The following SLC14A2 variants were observed in gnomAD, a reference collection of about 807,000 sequenced individuals.
SLC14A2 encodes urea transporter 2.
SLC14A2 carries 91 observed loss-of-function variants against 104.6 expected under a neutral mutation model. The ratio of observed to expected loss-of-function variants is 0.87; its 90% confidence interval spans 0.73 to 1.04. The LOEUF (loss-of-function observed/expected upper bound fraction) is 1.04. SLC14A2 is among the 50% of genes least tolerant of loss of function. The pLI is 0.00. For synonymous variants in SLC14A2, 476 were observed against 466.4 expected, an observed-to-expected ratio of 1.02 and a Z score of -0.27; for missense variants, 1,189 against 1,156.0, an observed-to-expected ratio of 1.03 and a Z score of -0.41.
chr18:45,521,942 C>T (rs772589757), intron 2 of SLC14A2, among the ~76,000 whole-genome samples: 13 of 152,112 alleles, frequency 8.5e-5, no homozygotes, highest in Admixed American at 2.0e-4. Context: ...CCTTAGACAT[C>T]GTTACTCTTT....
At chr18:45,518,720 G>A (rs893481682) in intron 2 of SLC14A2, among the ~76,000 whole-genome samples, 7 of 152,116 alleles carry the variant, frequency 4.6e-5, no homozygotes, top group African/African-American at 1.4e-4. Context: ...AGAAAAAGAC[G>A]GATAATCTAG....
chr18:45,452,382 T>C lies in SLC14A2; in HGVS notation c.-124-30851T>C, dbSNP rs914653121. On this transcript the variant is annotated intron_variant, in intron 1 of 20. Transcript: ENST00000586448. ...AGAGTGCACATCCCTTTGGTTTCAG[T>C]ACTTATTACCACTTGACTTTACATA... Among the ~76,000 whole-genome samples, 82 of 152,250 alleles carry C rather than the reference T, an allele frequency of 5.4e-4. 1 individual carries two copies. The highest frequency in any genetic ancestry group is 1.3e-4 in the Non-Finnish European group (9 of 68,046).
At chr18:45,303,845 C>T (rs2084991143) in intron 1 of SLC14A2, among the ~76,000 whole-genome samples, 3 of 152,168 alleles carry the variant, frequency 2.0e-5, no homozygotes, top group Admixed American at 1.3e-4. Context: ...GTCCATGGAA[C>T]ACTAATATTA....
At chr18:45,429,047 G>A (rs895269712) in intron 1 of SLC14A2, among the ~76,000 whole-genome samples, 2 of 152,108 alleles carry the variant, frequency 1.3e-5, no homozygotes, top group Admixed American at 6.6e-5. Flanking sequence ...AGGGGCCAAC[G>A]GCAGAATTTA....
intron 10 of SLC14A2, chr18:45,646,915 A>G (rs986769220): frequency 6.6e-6 from 1 of 152,258 alleles, no homozygotes; most frequent in Non-Finnish European, 1.5e-5. Context: ...ACTACAAGCA[A>G]CAGCTCTTGG....
intron 1 of SLC14A2, among the ~76,000 whole-genome samples, chr18:45,285,186 T>G (rs1056511889): frequency 6.6e-6 from 1 of 152,198 alleles, no homozygotes; most frequent in Admixed American, 6.5e-5. Flanking sequence ...AGACAGACTA[T>G]AGAGGATCTA....
Position 45,575,105 on chromosome 18 carries a change from G to T in SLC14A2, c.-34-49526G>T, listed in dbSNP as rs187021115. On this transcript the variant is annotated intron_variant, in intron 2 of 20. Coordinates refer to the SLC14A2 transcript ENST00000586448. ...TGAAAAAGAGGGCAGTGAACTCCACGTGAGCACTATTTCTGGGCCCTGTGG... is the reference window on the plus strand; with the variant it reads ...TGAAAAAGAGGGCAGTGAACTCCACTTGAGCACTATTTCTGGGCCCTGTGG... Among the ~76,000 whole-genome samples, 9 of 152,312 alleles carry T rather than the reference G, an allele frequency of 5.9e-5. No individual in the cohort carries two copies. The East Asian group carries it at 1.7e-3, about 29-fold the overall frequency.
intron 1 of SLC14A2, among the ~76,000 whole-genome samples, chr18:45,371,346 G>A (rs1452901487): frequency 6.6e-6 from 1 of 152,048 alleles, no homozygotes; most frequent in African/African-American, 2.4e-5. Flanking sequence ...AATAGGCCCT[G>A]TCCTGTAACT....
chr18:45,542,594 A>T (rs537742624), intron 2 of SLC14A2, among the ~76,000 whole-genome samples: 151 of 152,332 alleles, frequency 9.9e-4, no homozygotes, highest in Admixed American at 2.2e-3. Flanking sequence ...TTAAATAAAA[A>T]TTGAATTTCA....
intron 16 of SLC14A2, among the ~76,000 whole-genome samples, chr18:45,670,876 T>A (rs2046121909): frequency 6.6e-6 from 1 of 152,202 alleles, no homozygotes; most frequent in Admixed American, 6.5e-5. Flanking sequence ...TTGCCCAGGC[T>A]GGTCTCAAAC....
chr18:45,195,431 G>A, the SLC14A2 span, among the ~76,000 whole-genome samples: 1 of 152,190 alleles, frequency 6.6e-6, no homozygotes, highest in East Asian at 1.9e-4. Context: ...TTGCTCTGTT[G>A]CCCAGGCTGG....
chr18:45,309,937 C>A (rs1427762292), intron 1 of SLC14A2, among the ~76,000 whole-genome samples: 3 of 151,846 alleles, frequency 2.0e-5, no homozygotes, highest in Non-Finnish European at 4.4e-5. Flanking sequence ...GCAACAATAT[C>A]GGTCTGCATT....
At chr18:45,194,643 A>T in the SLC14A2 span, among the ~76,000 whole-genome samples, 20 of 108,812 alleles carry the variant, frequency 1.8e-4, no homozygotes, top group Admixed American at 2.2e-4. Context: ...TTGGTCTGTA[A>T]TTTTTTTTTT....
chr18:45,235,823 A>ATATATATACGTGTATATATATATG (rs2084221016), intron 1 of SLC14A2, among the ~76,000 whole-genome samples: 1 of 129,700 alleles, frequency 7.7e-6, no homozygotes, highest in Non-Finnish European at 1.6e-5. Flanking sequence ...GTATATATAT[A>ATATATATACGTGTATATATATATG]TATATATACG....
chr18:45,345,883 A>G (rs1366494973), intron 1 of SLC14A2, among the ~76,000 whole-genome samples: 3 of 152,204 alleles, frequency 2.0e-5, no homozygotes, highest in Non-Finnish European at 4.4e-5. Context: ...TTACTAGGTA[A>G]TGCCAGCTGC....
chr18:45,379,827 G>T (rs1419188966), intron 1 of SLC14A2, among the ~76,000 whole-genome samples: 2 of 152,178 alleles, frequency 1.3e-5, no homozygotes, highest in African/African-American at 4.8e-5. Context: ...AGAATGTCAT[G>T]CATGTACTTC....
intron 1 of SLC14A2, among the ~76,000 whole-genome samples, chr18:45,275,756 T>A (rs1449189814): frequency 6.6e-6 from 1 of 152,216 alleles, no homozygotes; most frequent in Non-Finnish European, 1.5e-5. Context: ...TTTCATCTCT[T>A]TTTTTACTAA....
At chr18:45,315,887 C>T (rs2085124565) in intron 1 of SLC14A2, among the ~76,000 whole-genome samples, 1 of 152,208 alleles carries the variant, frequency 6.6e-6, no homozygotes, top group Non-Finnish European at 1.5e-5. Context: ...AAGCCATATT[C>T]CATTGCTCCT....
rs759994258 is a variant in SLC14A2 at position 45,669,487 on chromosome 18, C to G, written c.2218C>G (p.Gln740Glu). 6.2e-7 allele frequency: 1 copy of G among 1,613,316 alleles called. No individual in the cohort carries two copies. The highest frequency in any genetic ancestry group is 1.1e-5 in the South Asian group (1 of 90,978). Residue 740 changes from glutamine to glutamate, a missense_variant, in exon 16 of 20, where the codon CAA (glutamine) becomes GAA (glutamate). Transcript: ENST00000255226. ...AMPNITWSEVQVPLLLRAIPV... is the reference protein window; with the variant it reads ...AMPNITWSEVEVPLLLRAIPV... ...GCCCAACATCACCTGGTCAGAGGTC[C>G]AAGTGCCCTTGGTACGTATCATGGA... is the stretch of plus-strand genomic sequence containing the variant.
Sources: gnomAD v4.1 joint callset for allele counts (sites outside exome capture counted in the v4.1 genomes callset) on GRCh38, gnomAD v4.1.1 for gene constraint, MANE v1.5 for transcripts, NCBI Gene and HGNC (gene_info 2026-07-23, HGNC 2026-07-21) for gene names.